The following MN1 variants were observed in gnomAD, a reference collection of about 807,000 sequenced individuals.
MN1 encodes the protein MN1 proto-oncogene, transcriptional regulator, also known as transcriptional activator MN1.
MN1 carries 19 observed loss-of-function variants against 86.9 expected under a neutral mutation model. That is an observed-to-expected ratio of 0.22 (90% CI 0.15 to 0.32). MN1 has a LOEUF of 0.32. Among genes scored for constraint, MN1 ranks in the 10% least tolerant of loss-of-function variants. The pLI is 1.00. For synonymous variants in MN1, 928 were observed against 849.6 expected (o/e 1.09, Z -1.60); for missense variants, 1,841 against 1,862.0 (o/e 0.99, Z 0.21).
chr22:27,798,374 C>T lies in MN1; in HGVS notation c.2170G>A (p.Ala724Thr). Reference sequence around the variant, plus strand: ...GGCGGGGGCCGGCGCTCCGAAGCAGCGCTGGGGAGCCCCACGCCCGCCCCG... The same window carrying T: ...GGCGGGGGCCGGCGCTCCGAAGCAGTGCTGGGGAGCCCCACGCCCGCCCCG... ...SPGAGVGLPS[A>T]ASERRPPPPD... The change falls in exon 1 of 2, where the codon GCT becomes ACT. Residue 724 changes from alanine (A) to threonine (T), a missense_variant. Ala to Thr is a moderately conservative substitution (Grantham distance 58). Coordinates refer to ENST00000302326, the MANE Select transcript of MN1 (RefSeq NM_002430.3). The T allele has an allele frequency of 6.7e-7, 1 of 1,502,772 alleles. No individual in the cohort carries two copies. The highest frequency in any genetic ancestry group is 8.8e-7 in the Non-Finnish European group (1 of 1,135,178). The allele number at this position is 1,502,772 out of a possible 1,614,324, so 93.1% of individuals were successfully genotyped here.
In MN1 at chr22:27,800,664, G is replaced by C. The variant is rs529201240; in HGVS notation, c.-121C>G. ...GCTCCGGGACGCTCAGCACCGCGGG[G>C]GCTCAGCGCGCACCTCCACCCCGCC... On this transcript the variant is annotated 5_prime_UTR_variant, in exon 1 of 2. Transcript: ENST00000302326. The C allele has an allele frequency of 4.2e-6, 6 of 1,430,536 alleles. No homozygotes were observed. In the South Asian group the frequency reaches 6.5e-5, roughly 15 times the overall value. 88.6% of individuals were successfully genotyped at this position (1,430,536 alleles called of 1,614,324 possible).
chr22:27,801,275 G>A lies in MN1; in HGVS notation c.-732C>T, dbSNP rs897130252. ...GAGGGGCTGCGAGGCGGCAGGCGCC[G>A]GGGGCTGGAGCCGAGGGTCGGGGAA... On this transcript the variant is annotated 5_prime_UTR_variant, in exon 1 of 2. Coordinates refer to ENST00000302326, the MANE Select transcript of MN1 (RefSeq NM_002430.3). 4.6e-6 allele frequency: 1 copy of A among 215,548 alleles called. No homozygotes were observed. The allele number at this position is 215,548 out of a possible 1,614,324, so 13.4% of individuals were successfully genotyped here. A position where few individuals can be genotyped will look rare whatever the true frequency, so the allele number is the denominator to read the frequency against.
intron 1 of MN1, among the ~76,000 whole-genome samples, chr22:27,776,688 G>A (rs1046947624): frequency 3.3e-5 from 5 of 151,050 alleles, no homozygotes; most frequent in Non-Finnish European, 1.5e-5. Context: ...GCCCCATCTC[G>A]CCTTGAAGCT....
At chr22:27,754,951 G>C (rs1932793070) in intron 1 of MN1, among the ~76,000 whole-genome samples, 1 of 152,192 alleles carries the variant, frequency 6.6e-6, no homozygotes, top group African/African-American at 2.4e-5. Flanking sequence ...AGAAGGGCAG[G>C]TTTGGTCTGT....
At chr22:27,751,942 G>A (rs1366501124) in intron 1 of MN1, among the ~76,000 whole-genome samples, 1 of 152,156 alleles carries the variant, frequency 6.6e-6, no homozygotes, top group Non-Finnish European at 1.5e-5. Context: ...TGGTGTGCAG[G>A]GGCTGAGGCT....
chr22:27,798,359 G>T lies in MN1; in HGVS notation c.2185C>A (p.Arg729=), dbSNP rs1171537799. The change falls in exon 1 of 2, where the codon CGG becomes AGG. Residue 729 remains arginine (R), a synonymous_variant. Transcript: ENST00000302326. ...GTAGCAAAGTCCGGCGGCGGGGGCC[G>T]GCGCTCCGAAGCAGCGCTGGGGAGC... ...VGLPSAASER[R]PPPPDFATSA... is the part of the protein sequence containing the mutation. 1 of 1,502,650 alleles carries T rather than the reference G, an allele frequency of 6.7e-7. No homozygotes were observed. The highest frequency in any genetic ancestry group is 1.3e-5 in the South Asian group (1 of 79,732). The allele number at this position is 1,502,650 out of a possible 1,614,324, so 93.1% of individuals were successfully genotyped here.
At chr22:27,776,990 T>C (rs1367638295) in intron 1 of MN1, among the ~76,000 whole-genome samples, 1 of 152,170 alleles carries the variant, frequency 6.6e-6, no homozygotes, top group Non-Finnish European at 1.5e-5. Flanking sequence ...CCCCAGGAAC[T>C]GGCATGCAAA....
intron 1 of MN1, among the ~76,000 whole-genome samples, chr22:27,770,883 T>C (rs999150892): frequency 6.6e-6 from 1 of 152,000 alleles, no homozygotes; most frequent in Non-Finnish European, 1.5e-5. Context: ...GGTCTTGAAC[T>C]TCTGGCCTCA....
At chr22:27,761,958 G>A (rs779987929) in intron 1 of MN1, among the ~76,000 whole-genome samples, 1 of 152,168 alleles carries the variant, frequency 6.6e-6, no homozygotes, top group Admixed American at 6.5e-5. Context: ...CGGGGAATGC[G>A]GGGGGAGGCT....
intron 1 of MN1, among the ~76,000 whole-genome samples, chr22:27,778,791 C>A (rs1933012496): frequency 6.6e-6 from 1 of 152,190 alleles, no homozygotes; most frequent in Admixed American, 6.5e-5. Flanking sequence ...CTCGTGTAGC[C>A]CACCACAGTC....
At chr22:27,764,445 G>A (rs1262763737) in intron 1 of MN1, among the ~76,000 whole-genome samples, 1 of 152,134 alleles carries the variant, frequency 6.6e-6, no homozygotes, top group African/African-American at 2.4e-5. Flanking sequence ...TTCCAGCCCT[G>A]CCACATCTCA....
chr22:27,798,658 C>T lies in MN1; in HGVS notation c.1886G>A (p.Ser629Asn). Residue 629 changes from serine (S) to asparagine (N), a missense_variant, in exon 1 of 2, where the codon AGC becomes AAC. By Grantham distance (46) the Ser-to-Asn change is conservative (BLOSUM62 1). Transcript: ENST00000302326. ...EQQAPHLAQESAWFSGPHPPP... is the reference protein window; with the variant it reads ...EQQAPHLAQENAWFSGPHPPP... ...CGGATGCGGACCTGAGAACCACGCG[C>T]TCTCTTGCGCCAAGTGCGGCGCCTG... The T allele has an allele frequency of 6.4e-7, 1 of 1,553,786 alleles. No homozygotes were observed. The highest frequency in any genetic ancestry group is 8.6e-7 in the Non-Finnish European group (1 of 1,158,346).
rs1568986674 is a variant in MN1 at position 27,800,544 on chromosome 22, A to C, written c.-1T>G. 13 of 1,613,848 alleles carry C rather than the reference A, an allele frequency of 8.1e-6. No homozygotes were observed. The highest frequency in any genetic ancestry group is 9.3e-6 in the Non-Finnish European group (11 of 1,180,004). On this transcript the variant is annotated 5_prime_UTR_variant, in exon 1 of 2. Transcript: ENST00000302326. ...GCTCGAATTGGTCCAGCCCAAACAT[A>C]CTTGGCGGGGGGCAGAGGGGGATCA...
intron 1 of MN1, among the ~76,000 whole-genome samples, chr22:27,763,257 A>G (rs1932846385): frequency 6.6e-6 from 1 of 152,214 alleles, no homozygotes; most frequent in Non-Finnish European, 1.5e-5. Context: ...TGGAGGTCCT[A>G]TGGAGCACCT....
rs1933447024 is a variant in MN1, at chr22:27,801,692, G to A, written c.-1149C>T. On this transcript the variant is annotated 5_prime_UTR_variant, in exon 1 of 2. In the 5' UTR this introduces an upstream ATG that the reference lacks. Coordinates refer to ENST00000302326, the MANE Select transcript of MN1 (RefSeq NM_002430.3). ...CTAGCGGGGGGGCTCTGCGTGGGGC[G>A]TTCCGAGGGTCTCGGCTCCCCTCTC... Among the ~76,000 whole-genome samples the A allele has an allele frequency of 3.3e-5, 5 of 152,214 alleles. No individual in the cohort carries two copies. Among genetic ancestry groups the A allele is most frequent in the Admixed American group, 3.3e-4 (5 of 15,294 alleles).
chr22:27,785,845 G>A (rs1343609831), intron 1 of MN1, among the ~76,000 whole-genome samples: 4 of 149,968 alleles, frequency 2.7e-5, no homozygotes, highest in Non-Finnish European at 5.9e-5. Context: ...TACCGGAAAC[G>A]ACTCCAGTTT....
At chr22:27,785,056 C>CCA (rs57257445) in intron 1 of MN1, among the ~76,000 whole-genome samples, 11,313 of 144,782 alleles carry the variant, frequency 0.078, 488 homozygotes, top group African/African-American at 0.13. Flanking sequence ...CTGGCATCCG[C>CCA]CACACACACA....
chr22:27,782,391 T>C (rs1398359658), intron 1 of MN1, among the ~76,000 whole-genome samples: 1 of 152,244 alleles, frequency 6.6e-6, no homozygotes, highest in East Asian at 1.9e-4. Flanking sequence ...GCTAAGTGCC[T>C]GAAGTACAGC....
intron 1 of MN1, among the ~76,000 whole-genome samples, chr22:27,753,314 C>T (rs952045118): frequency 6.6e-6 from 1 of 152,188 alleles, no homozygotes. Flanking sequence ...GACCAAAGCA[C>T]GGTCACTTTG....
Sources: gnomAD v4.1 joint callset for allele counts (sites outside exome capture counted in the v4.1 genomes callset) on GRCh38, gnomAD v4.1.1 for gene constraint, MANE v1.5 for transcripts, NCBI Gene and HGNC (gene_info 2026-07-23, HGNC 2026-07-21) for gene names.